The following EGF variants were observed in gnomAD, a reference collection of about 807,000 sequenced individuals.
The protein encoded by EGF is pro-epidermal growth factor.
In EGF, 95 loss-of-function variants were observed where a neutral mutation model predicts 143.8. The observed-to-expected ratio is 0.66, with a 90% CI of 0.56 to 0.78. The LOEUF is 0.78. Ranked by LOEUF, EGF falls within the 30% of genes least tolerant of loss-of-function variation. The pLI, the probability that EGF is intolerant of heterozygous loss-of-function variation, is 0.00. For synonymous variants in EGF, 510 were observed against 510.5 expected, an observed-to-expected ratio of 1.00 and a Z score of 0.01; for missense variants, 1,320 against 1,470.9, an observed-to-expected ratio of 0.90 and a Z score of 1.68.
At chr4:109,916,729 G>A (rs10032001) in intron 1 of EGF, among the ~76,000 whole-genome samples, 2,433 of 141,542 alleles carry the variant, frequency 0.017, 68 homozygotes, top group African/African-American at 0.064. Context: ...CACTCGATAA[G>A]CCCGAGATTC....
chr4:109,971,322 G>T (rs1747618281), intron 11 of EGF, among the ~76,000 whole-genome samples: 2 of 152,144 alleles, frequency 1.3e-5, no homozygotes, highest in Non-Finnish European at 2.9e-5. Flanking sequence ...TCATAATAAT[G>T]ACCTCCTCTG....
Position 109,976,139 on chromosome 4 carries a change from A to G in EGF, c.1957A>G (p.Thr653Ala), listed in dbSNP as rs763897036. 8.1e-6 allele frequency: 13 copies of G among 1,614,166 alleles called. No individual in the cohort carries two copies. The highest frequency in any genetic ancestry group is 1.1e-5 in the Non-Finnish European group (13 of 1,180,012). The change falls in exon 13 of 24, where the codon ACT becomes GCT. Residue 653 changes from threonine (T) to alanine (A), a missense_variant. Around this residue, in one of 5 missense-constraint regions of EGF, gnomAD observed 1,186 missense variants for 1,313.7 expected, o/e 0.90. Transcript: ENST00000265171. ...WPSGITIDFL[T>A]DKLYWCDAKQ... ...CAGTGGAATAACGATTGACTTCTTA[A>G]CTGACAAGTTGTACTGGTGCGATGC...
rs921135806 is a variant in EGF at position 110,002,426 on chromosome 4, G to A, written c.3174-2079G>A. ...GAGGATCGCTTGAGCCAGGGAGGCA[G>A]TGATTACAGTAAGCCGTGATTGCAC... is the stretch of plus-strand genomic sequence containing the variant. On this transcript the variant is annotated intron_variant, in intron 21 of 23. Transcript: ENST00000265171. Among the ~76,000 whole-genome samples, 3 of 152,190 alleles carry A rather than the reference G, an allele frequency of 2.0e-5. No individual in the cohort carries two copies. In the South Asian group the frequency reaches 6.2e-4, roughly 32 times the overall value.
chr4:109,927,260 A>T (rs1738839883), intron 1 of EGF, among the ~76,000 whole-genome samples: 1 of 152,260 alleles, frequency 6.6e-6, no homozygotes, highest in Admixed American at 6.5e-5. Context: ...TGTTTAAAAA[A>T]GCTGTCAAAA....
intron 1 of EGF, among the ~76,000 whole-genome samples, chr4:109,919,538 G>T (rs1737407590): frequency 6.6e-6 from 1 of 152,096 alleles, no homozygotes; most frequent in Non-Finnish European, 1.5e-5. Flanking sequence ...CAGTGATTGT[G>T]AGTTATACTA....
Position 109,941,140 on chromosome 4 carries a change from CA to C in EGF, c.324del (p.Glu109ArgfsTer6). The C allele has an allele frequency of 6.2e-7, 1 of 1,613,726 alleles. No homozygotes were observed. The highest frequency in any genetic ancestry group is 8.5e-7 in the Non-Finnish European group (1 of 1,179,814). On this transcript the variant is annotated frameshift_variant, in exon 2 of 24. Coordinates refer to ENST00000265171, the MANE Select transcript of EGF (RefSeq NM_001963.6). LOFTEE classifies it high-confidence loss of function. ...LQRVFLNGSR[Q>X]ERVCNIEKNV... ...AAGAGTTTTTCTGAATGGGTCAAGG[CA>C]AGAGGTAAAATACCCTTACCTACAG...
intron 1 of EGF, among the ~76,000 whole-genome samples, chr4:109,914,315 C>CCTTTTATCAGACG (rs1736222392): frequency 6.6e-6 from 1 of 152,132 alleles, no homozygotes; most frequent in South Asian, 2.1e-4. Flanking sequence ...TATCAGCTTG[C>CCTTTTATCAGACG]CCTTTTGAGA....
Position 110,012,850 on chromosome 4 carries a change from G to A in EGF, c.*1395G>A, listed in dbSNP as rs897152793. ...CCTGATATGGTAACTTTAAATTTTG[G>A]GGGCTTTGAATCATTCAGTTTATGC... On this transcript the variant is annotated 3_prime_UTR_variant, in exon 24 of 24. Coordinates refer to ENST00000265171, the MANE Select transcript of EGF (RefSeq NM_001963.6). 1.3e-5 allele frequency among the ~76,000 whole-genome samples: 2 copies of A among 151,986 alleles called. No individual in the cohort carries two copies. Among genetic ancestry groups the A allele is most frequent in the African/African-American group, 4.8e-5 (2 of 41,364 alleles).
rs753180871 is a variant in EGF at position 109,976,063 on chromosome 4, C to T, written c.1881C>T (p.Ser627=). 3 of 1,613,998 alleles carry T rather than the reference C, an allele frequency of 1.9e-6. No individual in the cohort carries two copies. Among genetic ancestry groups the T allele is most frequent in the Non-Finnish European group, 2.5e-6 (3 of 1,179,868 alleles). Residue 627 remains serine (S), a synonymous_variant, in exon 13 of 24, where the codon TCC becomes TCT. Coordinates refer to ENST00000265171, the MANE Select transcript of EGF (RefSeq NM_001963.6). ...TGINPRIESS[S]LQGLGRLVIA... ...TTAATCCACGAATTGAAAGTTCTTC[C>T]CTCCAAGGCCTTGGCCGTCTGGTTA...
intron 5 of EGF, among the ~76,000 whole-genome samples, chr4:109,956,715 C>A (rs1383202098): frequency 1.3e-5 from 2 of 152,002 alleles, no homozygotes; most frequent in African/African-American, 4.8e-5. Context: ...TTTTTGGAAT[C>A]AATTATCCAT....
Position 109,998,312 on chromosome 4 carries a change from C to T in EGF, c.3006-1367C>T, listed in dbSNP as rs74716438. Among the ~76,000 whole-genome samples the T allele has an allele frequency of 7.4e-3, 1,127 of 152,336 alleles. 8 individuals carry two copies. Among genetic ancestry groups the T allele is most frequent in the Non-Finnish European group, 0.011 (778 of 68,030 alleles). On this transcript the variant is annotated intron_variant, in intron 20 of 23. Coordinates refer to ENST00000265171, the MANE Select transcript of EGF (RefSeq NM_001963.6). ...AGAATGATGGTCCTTTATGCTTTTG[C>T]ACTCAGATCCTGATATCTCTTGCAT... is the stretch of plus-strand genomic sequence containing the variant.
In EGF at chr4:109,913,284, G is replaced by A; in HGVS notation, c.-52G>A. On this transcript the variant is annotated 5_prime_UTR_variant, in exon 1 of 24. An upstream start codon of the reference 5' UTR is lost. Transcript: ENST00000265171. ...ATCATACTCACCTTGCCCGGGCCATGCTCCAGCAAAATCAAGCTGTTTTCT... is the reference window on the plus strand; with the variant it reads ...ATCATACTCACCTTGCCCGGGCCATACTCCAGCAAAATCAAGCTGTTTTCT... 3.7e-6 allele frequency: 6 copies of A among 1,609,434 alleles called. No homozygotes were observed. Among genetic ancestry groups the A allele is most frequent in the Non-Finnish European group, 5.1e-6 (6 of 1,177,388 alleles).
rs183867919 is a variant in EGF, at chr4:109,939,295, A to T, written c.128-1651A>T. 2.8e-4 allele frequency among the ~76,000 whole-genome samples: 43 copies of T among 152,268 alleles called. No individual in the cohort carries two copies. The East Asian group carries it at 7.2e-3, about 25-fold the overall frequency. ...CTTTAGCATCCCAGATCGATCTCAG[A>T]CTGCTGCGCTAGCAGTGAGCAAGGC... On this transcript the variant is annotated intron_variant, in intron 1 of 23. Transcript: ENST00000265171.
intron 21 of EGF, among the ~76,000 whole-genome samples, chr4:110,002,853 C>G (rs914016819): frequency 6.6e-6 from 1 of 152,080 alleles, no homozygotes; most frequent in African/African-American, 2.4e-5. Context: ...TCTGTTGTTC[C>G]TTTCTTTGTG....
chr4:109,935,398 G>T (rs917951864), intron 1 of EGF, among the ~76,000 whole-genome samples: 1 of 152,192 alleles, frequency 6.6e-6, no homozygotes, highest in Admixed American at 6.5e-5. Flanking sequence ...TTTGCACATT[G>T]ATTTTGTATC....
chr4:109,930,718 G>A (rs1011078001), intron 1 of EGF, among the ~76,000 whole-genome samples: 2 of 152,180 alleles, frequency 1.3e-5, no homozygotes, highest in African/African-American at 4.8e-5. Flanking sequence ...CACTCCCTCA[G>A]ACTCACAGAG....
At chr4:109,948,439 T>C (rs1743222412) in intron 5 of EGF, among the ~76,000 whole-genome samples, 1 of 152,120 alleles carries the variant, frequency 6.6e-6, no homozygotes, top group Non-Finnish European at 1.5e-5. Flanking sequence ...CCTAGGGAGA[T>C]GGTATATAAA....
chr4:109,984,461 A>G (rs1399922047), intron 16 of EGF, among the ~76,000 whole-genome samples: 1 of 152,160 alleles, frequency 6.6e-6, no homozygotes, highest in East Asian at 1.9e-4. Flanking sequence ...GTTAGATTAT[A>G]TATACAGTCA....
Position 109,963,300 on chromosome 4 carries a change from T to C in EGF, c.1438+2T>C, listed in dbSNP as rs1300876438. 1.2e-6 allele frequency: 2 copies of C among 1,613,874 alleles called. No homozygotes were observed. Among genetic ancestry groups the C allele is most frequent in the South Asian group, 2.2e-5 (2 of 91,066 alleles). ...ATGAAAAAAGCTGTGCAGCTTCAGGTTAGTGCTGTGGTTGTCTGGAACTGT... is the reference window on the plus strand; with the variant it reads ...ATGAAAAAAGCTGTGCAGCTTCAGGCTAGTGCTGTGGTTGTCTGGAACTGT... On this transcript the variant is annotated splice_donor_variant, in intron 9 of 23. Coordinates refer to ENST00000265171, the MANE Select transcript of EGF (RefSeq NM_001963.6). LOFTEE classifies it high-confidence loss of function.
Sources: gnomAD v4.1 joint callset for allele counts (sites outside exome capture counted in the v4.1 genomes callset) on GRCh38, gnomAD v4.1.1 for gene constraint, gnomAD v4.1.1 regional missense constraint, MANE v1.5 for transcripts, NCBI Gene and HGNC (gene_info 2026-07-23, HGNC 2026-07-21) for gene names.